Variants in ZNF185 observed in about 807,000 individuals in gnomAD.
ZNF185 encodes the protein zinc finger protein 185.
In ZNF185, 56 loss-of-function variants were observed where a neutral mutation model predicts 58.6. The ratio of observed to expected loss-of-function variants is 0.95; its 90% CI spans 0.77 to 1.19. ZNF185 has a LOEUF of 1.19. Among genes scored for constraint, ZNF185 ranks in the 50% most tolerant of loss-of-function variants. The pLI, the probability that ZNF185 is intolerant of heterozygous loss-of-function variation, is 0.00. For synonymous variants in ZNF185, 230 were observed against 215.9 expected (o/e 1.07, Z -0.57); for missense variants, 627 against 573.5 (o/e 1.09, Z -0.95).
At chrX:152,937,535 C>G (rs782488750) in intron 14 of ZNF185, among the ~76,000 whole-genome samples, 1 of 111,584 alleles carries the variant, frequency 9.0e-6, no homozygotes, top group Non-Finnish European at 1.9e-5. Flanking sequence ...CTCTCTTTCT[C>G]TAGGTTCCCG....
intron 20 of ZNF185, among the ~76,000 whole-genome samples, chrX:152,967,476 AG>A (rs1355351041): frequency 8.9e-6 from 1 of 112,581 alleles, no homozygotes; most frequent in African/African-American, 3.2e-5. Flanking sequence ...GTGACTGAGA[AG>A]GGAAGTGGTG....
intron 14 of ZNF185, among the ~76,000 whole-genome samples, chrX:152,936,990 C>CCTT: frequency 1.8e-5 from 2 of 111,896 alleles, no homozygotes; most frequent in Non-Finnish European, 3.8e-5. Flanking sequence ...TGGGAAGAAG[C>CCTT]TGTGCATTCC....
intron 15 of ZNF185, among the ~76,000 whole-genome samples, chrX:152,940,858 T>C (rs1000550079): frequency 8.9e-5 from 10 of 112,500 alleles, no homozygotes; most frequent in African/African-American, 3.2e-4. Flanking sequence ...ATTTGGCATA[T>C]TATTGCTTCA....
exon 17 of ZNF185, chrX:152,959,792 C>G: frequency 8.3e-7 from 1 of 1,211,656 alleles, no homozygotes; most frequent in African/African-American, 1.7e-5. Flanking sequence ...GCCAAGGAGA[C>G]CCAGCTGTAC....
the ZNF185 span, among the ~76,000 whole-genome samples, chrX:152,905,715 G>GT: frequency 9.4e-6 from 1 of 106,238 alleles, no homozygotes; most frequent in Non-Finnish European, 1.9e-5. Flanking sequence ...GACAGGCTTG[G>GT]GGGGGGGGCG....
At chrX:152,943,574 G>C in intron 15 of ZNF185, among the ~76,000 whole-genome samples, 1 of 112,704 alleles carries the variant, frequency 8.9e-6, no homozygotes, top group Middle Eastern at 4.6e-3. Context: ...AGAGCTTCCT[G>C]TGAGTGTTTG....
intron 11 of ZNF185, among the ~76,000 whole-genome samples, chrX:152,925,854 T>A (rs1432090625): frequency 1.8e-5 from 2 of 112,187 alleles, no homozygotes; most frequent in Non-Finnish European, 3.8e-5. Context: ...CACAGACCTA[T>A]CGAGGCTACC....
intron 16 of ZNF185, among the ~76,000 whole-genome samples, chrX:152,947,287 G>A (rs1329687514): frequency 9.0e-6 from 1 of 111,414 alleles, no homozygotes; most frequent in African/African-American, 3.3e-5. Context: ...GGAGGCTGAG[G>A]TGGGAGGATT....
chrX:152,970,259 TTTTTTTGTATTATTTTGTGATG>T (rs1556918153), intron 21 of ZNF185, among the ~76,000 whole-genome samples, 162 bp from the exon 24 acceptor site: 1 of 111,240 alleles, frequency 9.0e-6, no homozygotes, highest in African/African-American at 3.3e-5. Context: ...AAAAAAGGCT[TTTTTTTGTATTATTTTGTGATG>T]TTTTTTGTAT....
intron 16 of ZNF185, among the ~76,000 whole-genome samples, chrX:152,951,880 T>G (rs1396680552): frequency 8.9e-6 from 1 of 112,266 alleles, no homozygotes; most frequent in Non-Finnish European, 1.9e-5. Flanking sequence ...TTATCTTCTT[T>G]ATAAATGATA....
At chrX:152,942,871 C>T (rs782819459) in intron 15 of ZNF185, among the ~76,000 whole-genome samples, 7 of 110,992 alleles carry the variant, frequency 6.3e-5, no homozygotes, top group Admixed American at 1.9e-4. Flanking sequence ...TTTGAGAGGC[C>T]GAGGCGGGAA....
exon 3 of ZNF185, chrX:152,915,195 G>A (rs782218101): frequency 9.9e-6 from 12 of 1,208,154 alleles, no homozygotes; most frequent in Admixed American, 6.6e-5. Context: ...GGGAGGTTCC[G>A]AAGCCTAGGT....
chrX:152,960,701 G>A (rs910495635), intron 17 of ZNF185, among the ~76,000 whole-genome samples: 2 of 112,407 alleles, frequency 1.8e-5, no homozygotes, highest in African/African-American at 6.5e-5. Context: ...AGGCAATCTA[G>A]TATCAGATTT....
chrX:152,927,624 G>A (rs886632901), intron 11 of ZNF185, among the ~76,000 whole-genome samples: 5 of 111,344 alleles, frequency 4.5e-5, no homozygotes, highest in Admixed American at 9.6e-5. Context: ...CTCCTCCCCC[G>A]ATCTCCCTTC....
At chrX:152,944,916 C>T (rs1455919632) in intron 15 of ZNF185, among the ~76,000 whole-genome samples, 1 of 112,676 alleles carries the variant, frequency 8.9e-6, no homozygotes, top group Non-Finnish European at 1.9e-5. Context: ...ATGGCTTGAG[C>T]CCAGGAGGCA....
chrX:152,898,305 C>T, the ZNF185 span, among the ~76,000 whole-genome samples: 4 of 112,591 alleles, frequency 3.6e-5, no homozygotes, highest in Admixed American at 2.8e-4. Flanking sequence ...CCAGTCCGTG[C>T]CCAGCTGGGG....
At chrX:152,969,270 G>T in intron 20 of ZNF185, 112 bp from the exon 23 acceptor site, 1 of 579,032 alleles carries the variant, frequency 1.7e-6, no homozygotes, top group Non-Finnish European at 2.8e-6. Flanking sequence ...GCATCCTGGG[G>T]ATCCTGACAG....
chrX:152,938,805 G>T (rs1301738236), intron 15 of ZNF185, among the ~76,000 whole-genome samples: 3 of 110,899 alleles, frequency 2.7e-5, no homozygotes, highest in African/African-American at 9.9e-5. Flanking sequence ...CTCCTGGGAA[G>T]GATAGTGCTC....
At chrX:152,922,653 C>A in intron 10 of ZNF185, 67 bp from the exon 12 acceptor site, 1 of 1,023,545 alleles carries the variant, frequency 9.8e-7, no homozygotes, top group Non-Finnish European at 1.3e-6. Flanking sequence ...AAGTTAGCCA[C>A]ATTCAGCATG....
Sources: allele counts gnomAD v4.1 joint callset (sites outside exome capture counted in the v4.1 genomes callset), GRCh38; gene constraint gnomAD v4.1.1; transcripts MANE v1.5; gene names NCBI Gene and HGNC (gene_info 2026-07-23, HGNC 2026-07-21).